The following PTPRJ variants were observed in gnomAD, a reference collection of about 807,000 sequenced individuals.
The protein encoded by PTPRJ is protein tyrosine phosphatase receptor type J.
Under a neutral mutation model 141.3 loss-of-function variants are expected in PTPRJ, and 129 were observed. The ratio of observed to expected loss-of-function variants is 0.91; its 90% CI spans 0.79 to 1.06. The LOEUF is 1.06. PTPRJ is among the 50% of genes least tolerant of loss of function. PTPRJ has a pLI of 0.00. For synonymous variants in PTPRJ, 610 were observed against 640.5 expected, an observed-to-expected ratio of 0.95 and a Z score of 0.72; for missense variants, 1,601 against 1,679.7, an observed-to-expected ratio of 0.95 and a Z score of 0.82.
Position 48,059,230 on chromosome 11 carries a change from C to G in PTPRJ, c.97-50828C>G, listed in dbSNP as rs932442656. Among the ~76,000 whole-genome samples the G allele has an allele frequency of 4.1e-5, 6 of 147,094 alleles. 1 individual carries two copies. The highest frequency in any genetic ancestry group is 5.0e-5 in the African/African-American group (2 of 39,940). On this transcript the variant is annotated intron_variant, in intron 1 of 24. Coordinates refer to ENST00000418331, the MANE Select transcript of PTPRJ (RefSeq NM_002843.4). The stretch of plus-strand genomic sequence containing the variant: ...CTCTGCCTCCCGGGTTCAAGCAATT[C>G]TCCTGCCTCAGCCTCCCGAGTAGCT...
At chr11:48,149,729 A>C (rs1221990765) in intron 16 of PTPRJ, 6 of 539,710 alleles carry the variant, frequency 1.1e-5, no homozygotes, top group Non-Finnish European at 1.9e-5. Flanking sequence ...TCTTGATTAA[A>C]AAAACGTCAA....
chr11:48,082,108 G>A (rs867503625), intron 1 of PTPRJ, among the ~76,000 whole-genome samples: 81 of 152,286 alleles, frequency 5.3e-4, no homozygotes, highest in African/African-American at 1.8e-3. Flanking sequence ...CCTACTAAGC[G>A]TCAGTCCCAT....
chr11:48,127,940 C>T lies in PTPRJ; in HGVS notation c.1254C>T (p.Arg418=), dbSNP rs756889666. ...DSSNLNVSEP[R]AVIPGLRSST... is the part of the protein sequence containing the mutation. ...CCAATCTCAACGTCAGTGAGCCTCGCGCTGTCATCCCCGGACTCCGCTCCA... is the reference window on the plus strand; with the variant it reads ...CCAATCTCAACGTCAGTGAGCCTCGTGCTGTCATCCCCGGACTCCGCTCCA... Residue 418 remains arginine (R), a synonymous_variant, in exon 7 of 25, where the codon CGC becomes CGT. Coordinates refer to ENST00000418331, the MANE Select transcript of PTPRJ (RefSeq NM_002843.4). The T allele has an allele frequency of 1.9e-5, 31 of 1,614,036 alleles. No homozygotes were observed. The highest frequency in any genetic ancestry group is 4.0e-5 in the African/African-American group (3 of 74,926).
At chr11:48,070,433 G>A (rs1361984328) in intron 1 of PTPRJ, among the ~76,000 whole-genome samples, 3 of 151,702 alleles carry the variant, frequency 2.0e-5, no homozygotes, top group African/African-American at 7.3e-5. Flanking sequence ...CGCAGGAGGC[G>A]GAGGTTGCAG....
At position 48,145,125 on chromosome 11, in the gene PTPRJ, G is replaced by T. The variant is rs1187323526; in HGVS notation, c.2911+1G>T. The T allele has an allele frequency of 1.2e-6, 2 of 1,613,818 alleles. No homozygotes were observed. The highest frequency in any genetic ancestry group is 1.1e-5 in the South Asian group (1 of 91,070). ...GCTGTTTCCTTGCCCCAGGATCCAG[G>T]TAGGGAGAAGACAACAGTCCTGGCA... On this transcript the variant is annotated splice_donor_variant, in intron 14 of 24. Coordinates refer to ENST00000418331, the MANE Select transcript of PTPRJ (RefSeq NM_002843.4). LOFTEE classifies it high-confidence loss of function.
At chr11:48,161,994 T>C (rs1857794810) in intron 22 of PTPRJ, among the ~76,000 whole-genome samples, 1 of 152,156 alleles carries the variant, frequency 6.6e-6, no homozygotes, top group African/African-American at 2.4e-5. Context: ...GGGCTTACCT[T>C]GTGGAGGGGA....
chr11:48,078,249 G>T (rs1191351750), intron 1 of PTPRJ, among the ~76,000 whole-genome samples: 3 of 151,978 alleles, frequency 2.0e-5, no homozygotes, highest in African/African-American at 7.3e-5. Flanking sequence ...GTAGAGACAG[G>T]TTTTCACCAT....
intron 1 of PTPRJ, among the ~76,000 whole-genome samples, chr11:48,003,424 T>C (rs1228039): frequency 0.066 from 10,025 of 152,106 alleles, 1,068 homozygotes; most frequent in African/African-American, 0.22. Context: ...TTAGAACATA[T>C]GAGATTGCCT....
intron 8 of PTPRJ, chr11:48,131,573 C>T: frequency 2.6e-6 from 2 of 759,388 alleles, no homozygotes; most frequent in Middle Eastern, 2.3e-4. Flanking sequence ...TAAGAATGGC[C>T]CCTATGCCAA....
chr11:48,159,968 G>A lies in PTPRJ; in HGVS notation c.3477G>A (p.Gln1159=), dbSNP rs754714849. ...CEEYWPSKQA[Q]DYGDITVAMT... ...AGTATTGGCCCTCCAAGCAGGCTCA[G>A]GACTATGGAGACATAACTGTGGCAA... is the stretch of plus-strand genomic sequence containing the variant. The change falls in exon 22 of 25, where the codon CAG becomes CAA. Residue 1159 remains glutamine (Q), a synonymous_variant. Coordinates refer to ENST00000418331, the MANE Select transcript of PTPRJ (RefSeq NM_002843.4). 3 of 1,613,902 alleles carry A rather than the reference G, an allele frequency of 1.9e-6. No homozygotes were observed. Among genetic ancestry groups the A allele is most frequent in the Non-Finnish European group, 1.7e-6 (2 of 1,179,874 alleles).
chr11:48,103,615 T>TA (rs1014576097), intron 1 of PTPRJ, among the ~76,000 whole-genome samples: 3 of 152,226 alleles, frequency 2.0e-5, no homozygotes, highest in African/African-American at 7.2e-5. Flanking sequence ...ATGTTCAAAG[T>TA]AAAAAACAAG....
intron 1 of PTPRJ, among the ~76,000 whole-genome samples, chr11:48,012,578 A>G (rs1011383740): frequency 6.6e-6 from 1 of 152,112 alleles, no homozygotes; most frequent in Non-Finnish European, 1.5e-5. Flanking sequence ...AGGAGGCAAG[A>G]GCAACCCTGG....
chr11:48,079,008 G>A (rs1229765287), intron 1 of PTPRJ, among the ~76,000 whole-genome samples: 1 of 151,914 alleles, frequency 6.6e-6, no homozygotes, highest in Non-Finnish European at 1.5e-5. Context: ...GTGAATGAGT[G>A]TATGACTGGA....
chr11:48,074,218 A>G (rs1264148751), intron 1 of PTPRJ, among the ~76,000 whole-genome samples: 3 of 145,322 alleles, frequency 2.1e-5, no homozygotes, highest in East Asian at 1.9e-4. Flanking sequence ...CTAAAAAAAG[A>G]AAAAAAAGTG....
At chr11:48,024,165 T>C (rs1029376946) in intron 1 of PTPRJ, among the ~76,000 whole-genome samples, 3 of 152,104 alleles carry the variant, frequency 2.0e-5, no homozygotes, top group Non-Finnish European at 4.4e-5. Flanking sequence ...TGTTTGCTCA[T>C]TGAAGACAGG....
chr11:48,131,065 T>G (rs1318597682), intron 8 of PTPRJ, among the ~76,000 whole-genome samples: 1 of 108,602 alleles, frequency 9.2e-6, no homozygotes, highest in East Asian at 2.7e-4. Context: ...TATATATATA[T>G]ATATATTTTT....
chr11:47,984,838 C>A (rs1206450883), intron 1 of PTPRJ, among the ~76,000 whole-genome samples: 1 of 150,872 alleles, frequency 6.6e-6, no homozygotes, highest in East Asian at 2.0e-4. Context: ...GGATTATAGG[C>A]GTGAGCCACT....
At chr11:48,146,994 T>G in intron 15 of PTPRJ, 31 bp downstream of exon 15, 1 of 1,574,724 alleles carries the variant, frequency 6.4e-7, no homozygotes, top group Non-Finnish European at 8.7e-7. Flanking sequence ...AATAATACTC[T>G]GGTATTTAAG....
chr11:48,070,458 A>C (rs1331365835), intron 1 of PTPRJ, among the ~76,000 whole-genome samples: 2 of 148,202 alleles, frequency 1.3e-5, no homozygotes, highest in Admixed American at 1.4e-4. Context: ...CTGAGATTGC[A>C]CCACTGCATT....
Sources: gnomAD v4.1 joint callset for allele counts (sites outside exome capture counted in the v4.1 genomes callset) on GRCh38, gnomAD v4.1.1 for gene constraint, MANE v1.5 for transcripts, NCBI Gene and HGNC (gene_info 2026-07-23, HGNC 2026-07-21) for gene names.